Variants in ZC3H12B observed in about 807,000 individuals in gnomAD.
ZC3H12B encodes probable ribonuclease ZC3H12B.
In ZC3H12B, 7 loss-of-function variants were observed where a neutral mutation model predicts 43.9. The observed-to-expected ratio is 0.16, with a 90% CI of 0.09 to 0.30. The LOEUF (loss-of-function observed/expected upper bound fraction) is 0.30, where lower values mean the gene tolerates loss of function less well. Ranked by LOEUF, ZC3H12B falls within the 10% of genes least tolerant of loss-of-function variation. The pLI is 1.00. For missense variants in ZC3H12B, 475 were observed against 670.2 expected (o/e 0.71, Z 3.22); for synonymous variants, 222 against 241.7 (o/e 0.92, Z 0.76).
the ZC3H12B span, among the ~76,000 whole-genome samples, chrX:65,215,840 C>A: frequency 1.8e-5 from 2 of 111,509 alleles, no homozygotes; most frequent in Non-Finnish European, 3.8e-5. Flanking sequence ...CTATTCTGTC[C>A]CTTACTTGAA....
intron 1 of ZC3H12B, among the ~76,000 whole-genome samples, chrX:65,368,537 G>A (rs7064846): frequency 0.23 from 25,736 of 111,241 alleles, 7,112 homozygotes; most frequent in African/African-American, 0.8. Context: ...AATTATACAT[G>A]TAACTCAGCT....
chrX:65,229,571 AG>A, the ZC3H12B span, among the ~76,000 whole-genome samples: 1 of 110,971 alleles, frequency 9.0e-6, no homozygotes, highest in Admixed American at 9.6e-5. Flanking sequence ...GCACAGCAAA[AG>A]AAACTTCCGT....
the ZC3H12B span, among the ~76,000 whole-genome samples, chrX:65,160,661 A>G: frequency 0.083 from 9,153 of 110,567 alleles, 1,022 homozygotes; most frequent in African/African-American, 0.29. Context: ...TTTCTTCTTT[A>G]TTAGTCTTGC....
the ZC3H12B span, among the ~76,000 whole-genome samples, chrX:65,054,357 A>G: frequency 9.0e-6 from 1 of 111,508 alleles, no homozygotes; most frequent in Non-Finnish European, 1.9e-5. Context: ...ACCATTTATT[A>G]AATAGGGAAT....
At chrX:65,198,834 G>GT in the ZC3H12B span, among the ~76,000 whole-genome samples, 5 of 111,313 alleles carry the variant, frequency 4.5e-5, no homozygotes, top group East Asian at 8.4e-4. Context: ...CAATAACTTT[G>GT]TTTTTTCTTT....
chrX:65,089,364 T>C, the ZC3H12B span, among the ~76,000 whole-genome samples: 1 of 111,843 alleles, frequency 8.9e-6, no homozygotes, highest in African/African-American at 3.2e-5. Flanking sequence ...GGTATTTGTG[T>C]ATCTAAACAT....
At chrX:65,196,068 C>T in the ZC3H12B span, among the ~76,000 whole-genome samples, 1 of 111,125 alleles carries the variant, frequency 9.0e-6, no homozygotes, top group Non-Finnish European at 1.9e-5. Flanking sequence ...ATCTGTGTGT[C>T]AGCGGACTTT....
intron 3 of ZC3H12B, among the ~76,000 whole-genome samples, chrX:65,427,257 T>A: frequency 8.9e-6 from 1 of 111,835 alleles, no homozygotes; most frequent in Non-Finnish European, 1.9e-5. Context: ...GAAGTCTTCT[T>A]TGTCAGAAAC....
At chrX:65,177,509 T>TGAATGTATTTTTAGAAAAC in the ZC3H12B span, among the ~76,000 whole-genome samples, 2 of 112,139 alleles carry the variant, frequency 1.8e-5, no homozygotes, top group Non-Finnish European at 3.8e-5. Context: ...GCAGATGACA[T>TGAATGTATTTTTAGAAAAC]GAATGTATTT....
At chrX:65,060,203 A>G in the ZC3H12B span, among the ~76,000 whole-genome samples, 2 of 112,178 alleles carry the variant, frequency 1.8e-5, no homozygotes, top group South Asian at 7.4e-4. Context: ...TGCACTGCAT[A>G]TATTTCTCCT....
At chrX:65,041,021 G>A in the ZC3H12B span, among the ~76,000 whole-genome samples, 21 of 112,096 alleles carry the variant, frequency 1.9e-4, no homozygotes, top group Non-Finnish European at 2.8e-4. Flanking sequence ...CAAGTGATCC[G>A]CCCACCTCGG....
the ZC3H12B span, among the ~76,000 whole-genome samples, chrX:65,284,251 C>CAAAAAAAAAA: frequency 1.5e-5 from 1 of 67,954 alleles, no homozygotes. Context: ...CACACACACA[C>CAAAAAAAAAA]AAAAAAAAAA....
rs891101768 is a variant in ZC3H12B at position 65,373,009 on chromosome X, A to G, written n.295+4011A>G. On this transcript the variant is annotated intron_variant and non_coding_transcript_variant, in intron 2 of 5. Transcript: ENST00000617377. ...AGTCCATGATTTTCTTGTGAAAAAT[A>G]TAGTTCCTATGGTGGGCCTTGTAGA... 6.2e-5 allele frequency among the ~76,000 whole-genome samples: 7 copies of G among 112,173 alleles called. No individual in the cohort carries two copies. In the East Asian group the frequency reaches 2.0e-3, roughly 31 times the overall value.
chrX:65,231,385 C>T, the ZC3H12B span, among the ~76,000 whole-genome samples: 4 of 111,259 alleles, frequency 3.6e-5, no homozygotes, highest in Non-Finnish European at 3.8e-5. Context: ...AAACAGGGTT[C>T]GAGAGCAGAC....
chrX:65,371,559 T>A (rs762087938), intron 2 of ZC3H12B, among the ~76,000 whole-genome samples: 101 of 111,881 alleles, frequency 9.0e-4, no homozygotes, highest in African/African-American at 3.2e-3. Context: ...TATGAACAGG[T>A]AAGAATACTT....
intron 2 of ZC3H12B, among the ~76,000 whole-genome samples, chrX:65,381,622 A>G (rs10037388): frequency 8.9e-6 from 1 of 112,141 alleles, no homozygotes; most frequent in Admixed American, 9.5e-5. Context: ...ACTGAAGGAA[A>G]TAGAGACACA....
intron 2 of ZC3H12B, among the ~76,000 whole-genome samples, chrX:65,372,209 T>C (rs2066254051): frequency 8.9e-6 from 1 of 112,194 alleles, no homozygotes; most frequent in Non-Finnish European, 1.9e-5. Context: ...GAAATTTTAA[T>C]TAGATCCAGC....
chrX:65,391,250 C>A (rs1388659038), intron 2 of ZC3H12B, among the ~76,000 whole-genome samples: 3 of 111,858 alleles, frequency 2.7e-5, no homozygotes, highest in Non-Finnish European at 3.8e-5. Context: ...ACCTTATTTC[C>A]CTTTTTATTT....
At chrX:65,231,452 G>T in the ZC3H12B span, among the ~76,000 whole-genome samples, 1 of 110,874 alleles carries the variant, frequency 9.0e-6, no homozygotes, top group Admixed American at 9.6e-5. Context: ...TAAGCCTGAG[G>T]GTACTTCAGG....
Sources: gnomAD v4.1 joint callset for allele counts (sites outside exome capture counted in the v4.1 genomes callset) on GRCh38, gnomAD v4.1.1 for gene constraint, MANE v1.5 for transcripts, NCBI Gene and HGNC (gene_info 2026-07-23, HGNC 2026-07-21) for gene names.